ITPR2: variants seen among roughly 807,000 people sequenced by gnomAD.
ITPR2 encodes inositol 1,4,5-trisphosphate-gated calcium channel ITPR2.
In ITPR2, 207 loss-of-function variants were observed where a neutral mutation model predicts 317.1. That is an observed-to-expected ratio of 0.65 (90% CI 0.58 to 0.73). The LOEUF is 0.73. ITPR2 is among the 30% of genes least tolerant of loss of function. The probability of loss-of-function intolerance (pLI) is 0.00; values close to 1 mark genes in which losing one functional copy is unlikely to be tolerated. For synonymous variants in ITPR2, 1,156 were observed against 1,149.1 expected (o/e 1.01, Z -0.12); for missense variants, 2,613 against 3,284.0 (o/e 0.80, Z 4.99).
At chr12:26,596,646 CA>C (rs35579016) in intron 31 of ITPR2, among the ~76,000 whole-genome samples, 31,344 of 87,410 alleles carry the variant, frequency 0.36, 3,335 homozygotes, top group South Asian at 0.42. Flanking sequence ...AACTCTGTCT[CA>C]AAAAAAAAAA....
At chr12:26,684,465 G>T (rs1364808483) in intron 11 of ITPR2, among the ~76,000 whole-genome samples, 1 of 152,184 alleles carries the variant, frequency 6.6e-6, no homozygotes, top group African/African-American at 2.4e-5. Flanking sequence ...TTCCTGATCT[G>T]TAAGAGTTAC....
Position 26,645,141 on chromosome 12 carries a change from G to A in ITPR2, c.2740+8835C>T, listed in dbSNP as rs548561859. On this transcript the variant is annotated intron_variant, in intron 21 of 56. Coordinates refer to ENST00000381340, the MANE Select transcript of ITPR2 (RefSeq NM_002223.4). ...TGATCCTAAGAGCTCTCCCTAATAA[G>A]TCTTCTTCATGCTAATCCTCTCCCA... Among the ~76,000 whole-genome samples the A allele has an allele frequency of 2.0e-5, 3 of 152,124 alleles. No homozygotes were observed. The South Asian group carries it at 6.2e-4, about 32-fold the overall frequency.
intron 5 of ITPR2, among the ~76,000 whole-genome samples, chr12:26,716,683 G>A: frequency 6.6e-6 from 1 of 152,144 alleles, no homozygotes; most frequent in Admixed American, 6.6e-5. Context: ...TCTTTTATAA[G>A]AGATGAGTAA....
intron 37 of ITPR2, among the ~76,000 whole-genome samples, chr12:26,532,608 C>A (rs1414798720): frequency 7.9e-5 from 12 of 152,144 alleles, no homozygotes; most frequent in African/African-American, 2.9e-4. Flanking sequence ...CTGTGCCCAG[C>A]CCCCGGTAAA....
rs143843238 is a variant in ITPR2, at chr12:26,768,994, A to AACACACACACACACAC, written c.163+21147_163+21162dup. On this transcript the variant is annotated intron_variant, in intron 2 of 56. Coordinates refer to ENST00000381340, the MANE Select transcript of ITPR2 (RefSeq NM_002223.4). ...TGACCACCTCCAAGTCATCCAGTAG[A>AACACACACACACACAC]ACACACACACACACACACACACACA... is the stretch of plus-strand genomic sequence containing the variant. Among the ~76,000 whole-genome samples the AACACACACACACACAC allele has an allele frequency of 3.8e-3, 365 of 96,900 alleles. 1 individual carries two copies. Among genetic ancestry groups the AACACACACACACACAC allele is most frequent in the East Asian group, 7.4e-3 (33 of 4,456 alleles). The allele number at this position is 96,900 out of a possible 152,430, so 63.6% of individuals were successfully genotyped here.
chr12:26,605,126 A>AAAAAAAT (rs1555165395), intron 26 of ITPR2, among the ~76,000 whole-genome samples: 2 of 136,308 alleles, frequency 1.5e-5, no homozygotes, highest in African/African-American at 5.3e-5. Flanking sequence ...AAAAAATAAA[A>AAAAAAAT]ATATATATAT....
At chr12:26,503,398 A>T (rs962099666) in intron 37 of ITPR2, among the ~76,000 whole-genome samples, 3 of 152,234 alleles carry the variant, frequency 2.0e-5, no homozygotes, top group South Asian at 2.1e-4. Flanking sequence ...AGTTCCTCAG[A>T]TAGGACAGTC....
At chr12:26,372,191 A>G (rs1321853455) in intron 55 of ITPR2, among the ~76,000 whole-genome samples, 1 of 152,148 alleles carries the variant, frequency 6.6e-6, no homozygotes, top group African/African-American at 2.4e-5. Context: ...ATGACCATAT[A>G]TTATTATTTC....
intron 2 of ITPR2, among the ~76,000 whole-genome samples, chr12:26,772,691 A>G (rs1219558675): frequency 6.6e-6 from 1 of 150,646 alleles, no homozygotes; most frequent in Admixed American, 6.6e-5. Context: ...GTATGTGCAC[A>G]TGGTGTATAT....
chr12:26,666,765 C>A (rs940327435), intron 13 of ITPR2, among the ~76,000 whole-genome samples: 2 of 152,134 alleles, frequency 1.3e-5, no homozygotes, highest in African/African-American at 2.4e-5. Context: ...GTTATTATTA[C>A]AACTATTACT....
chr12:26,686,702 TA>T lies in ITPR2; in HGVS notation c.997-71del, dbSNP rs879036607. 1.8e-5 allele frequency: 25 copies of T among 1,366,052 alleles called. No individual in the cohort carries two copies. In the South Asian group the frequency reaches 3.4e-4, roughly 19 times the overall value. 84.6% of individuals were successfully genotyped at this position (1,366,052 alleles called of 1,614,324 possible). A position where few individuals can be genotyped will look rare whatever the true frequency, so the allele number is the denominator to read the frequency against. On this transcript the variant is annotated intron_variant, in intron 10 of 56. Coordinates refer to ENST00000381340, the MANE Select transcript of ITPR2 (RefSeq NM_002223.4). ...CTAAACTCTCCAATTAATCAGGTGA[TA>T]AGGTTTAAATGTGCATGTTATTTCT...
chr12:26,389,487 G>C (rs1233382267), intron 54 of ITPR2, among the ~76,000 whole-genome samples: 2 of 131,852 alleles, frequency 1.5e-5, no homozygotes, highest in African/African-American at 2.9e-5. Context: ...TGGCCTCTTT[G>C]CTTTTTTTTT....
chr12:26,360,124 A>G (rs1179678803), intron 55 of ITPR2, among the ~76,000 whole-genome samples: 1 of 152,082 alleles, frequency 6.6e-6, no homozygotes, highest in Non-Finnish European at 1.5e-5. Flanking sequence ...AGGTTTCCTA[A>G]GGGGTGATGC....
chr12:26,458,559 T>C (rs1423925413), intron 45 of ITPR2, among the ~76,000 whole-genome samples: 3 of 152,194 alleles, frequency 2.0e-5, no homozygotes, highest in Non-Finnish European at 4.4e-5. Flanking sequence ...TTTGTGTCAA[T>C]GTTAAACACG....
chr12:26,472,507 T>G (rs557911995), intron 45 of ITPR2, among the ~76,000 whole-genome samples: 1 of 152,236 alleles, frequency 6.6e-6, no homozygotes, highest in African/African-American at 2.4e-5. Context: ...AAAAAACAAC[T>G]TCGATATATC....
chr12:26,413,923 G>A (rs562730585), intron 51 of ITPR2, among the ~76,000 whole-genome samples: 1 of 152,174 alleles, frequency 6.6e-6, no homozygotes, highest in East Asian at 1.9e-4. Flanking sequence ...CACACATTTT[G>A]AATTCATAAA....
chr12:26,594,679 T>C (rs1047854764), intron 32 of ITPR2, among the ~76,000 whole-genome samples: 1 of 151,856 alleles, frequency 6.6e-6, no homozygotes, highest in Non-Finnish European at 1.5e-5. Flanking sequence ...TCAAGTCCCA[T>C]AACTTTAAAG....
rs759629319 is a variant in ITPR2, at chr12:26,486,174, G to C, written c.5741C>G (p.Ala1914Gly). Reference protein sequence around the residue: ...KSAEEVTMSPAIAIMQPILRF... With the variant: ...KSAEEVTMSPGIAIMQPILRF... ...CAGTATTGGCTGCATGATGGCAATT[G>C]CGGGACTCATTGTTACTTCCTCTGC... is the stretch of plus-strand genomic sequence containing the variant. Residue 1914 changes from alanine (A) to glycine (G), a missense_variant, in exon 41 of 57, where the codon GCA (alanine) becomes GGA (glycine). Around this residue, in one of 9 missense-constraint regions of ITPR2, gnomAD observed 926 missense variants for 1,072.8 expected, o/e 0.86. Transcript: ENST00000381340. The C allele has an allele frequency of 5.0e-6, 8 of 1,613,922 alleles. No homozygotes were observed. The African/African-American group carries it at 1.1e-4, about 22-fold the overall frequency.
At chr12:26,531,346 A>C (rs1324192744) in intron 37 of ITPR2, among the ~76,000 whole-genome samples, 1 of 152,244 alleles carries the variant, frequency 6.6e-6, no homozygotes, top group Non-Finnish European at 1.5e-5. Context: ...TAAAGTCTAT[A>C]ACTCATTTTT....
Sources: allele counts gnomAD v4.1 joint callset (sites outside exome capture counted in the v4.1 genomes callset), GRCh38; gene constraint gnomAD v4.1.1; regional missense constraint gnomAD v4.1.1; transcripts MANE v1.5; gene names NCBI Gene and HGNC (gene_info 2026-07-23, HGNC 2026-07-21).